Variants in MED13 observed in about 807,000 individuals in gnomAD.
MED13 encodes the protein mediator of RNA polymerase II transcription subunit 13.
In MED13, 23 loss-of-function variants were observed where a neutral mutation model predicts 225.2. The ratio of observed to expected loss-of-function variants is 0.10; its 90% CI spans 0.07 to 0.14. The LOEUF is 0.14. Among genes scored for constraint, MED13 ranks in the 10% least tolerant of loss-of-function variants. The probability of loss-of-function intolerance (pLI) is 1.00; values close to 1 mark genes in which losing one functional copy is unlikely to be tolerated. For missense variants in MED13, 2,197 were observed against 2,594.5 expected (o/e 0.85, Z 3.33); for synonymous variants, 942 against 889.2 (o/e 1.06, Z -1.06).
In MED13 at chr17:61,944,093, AT is replaced by A. The variant is rs1177104584; in HGVS notation, c.*2374del. ...TGGATATATGAAGGGAAGAAAAAAA[AT>A]CTTATCAATAAATCCTGTATATTTG... On this transcript the variant is annotated 3_prime_UTR_variant, in exon 30 of 30. Coordinates refer to ENST00000397786, the MANE Select transcript of MED13 (RefSeq NM_005121.3). The A allele has an allele frequency of 6.6e-6, 1 of 152,590 alleles. No homozygotes were observed. Among genetic ancestry groups the A allele is most frequent in the East Asian group, 1.9e-4 (1 of 5,196 alleles). 9.5% of individuals were successfully genotyped at this position (152,590 alleles called of 1,614,324 possible).
At chr17:62,048,511 C>G (rs182437354) in intron 3 of MED13, among the ~76,000 whole-genome samples, 12 of 151,696 alleles carry the variant, frequency 7.9e-5, no homozygotes, top group Admixed American at 5.9e-4. Flanking sequence ...CTTAAGAGGT[C>G]CACTCTTTGA....
intron 23 of MED13, 140 bp from the exon 24 acceptor site, chr17:61,956,621 C>G (rs1264289691): frequency 2.8e-6 from 2 of 725,498 alleles, no homozygotes; most frequent in Non-Finnish European, 2.2e-6. Context: ...TCACTGCAAC[C>G]TCCACCTTCA....
Position 61,962,987 on chromosome 17 carries a change from G to C in MED13, c.4845-16C>G, listed in dbSNP as rs1314567612. 2 of 1,611,492 alleles carry C rather than the reference G, an allele frequency of 1.2e-6. No homozygotes were observed. The highest frequency in any genetic ancestry group is 1.7e-6 in the Non-Finnish European group (2 of 1,178,048). On this transcript the variant is annotated splice_polypyrimidine_tract_variant and intron_variant, in intron 20 of 29. Transcript: ENST00000397786. ...ATCCATCGTGCTAAAATTTAAGGTAGAAATGAGACAAAAAGTTGTACTGTA... is the reference window on the plus strand; with the variant it reads ...ATCCATCGTGCTAAAATTTAAGGTACAAATGAGACAAAAAGTTGTACTGTA...
At chr17:62,015,127 T>C (rs887153012) in intron 8 of MED13, among the ~76,000 whole-genome samples, 4 of 152,200 alleles carry the variant, frequency 2.6e-5, no homozygotes, top group Non-Finnish European at 5.9e-5. Context: ...AAATGTTTAC[T>C]CCTTGTTTGA....
At chr17:61,976,195 T>C (rs1162376513) in intron 16 of MED13, among the ~76,000 whole-genome samples, 1 of 152,136 alleles carries the variant, frequency 6.6e-6, no homozygotes, top group Non-Finnish European at 1.5e-5. Context: ...ATAAATAAAA[T>C]ACGGTATCTT....
In MED13 at chr17:61,982,806, G is replaced by C. The variant is rs1179590671; in HGVS notation, c.3197C>G (p.Pro1066Arg). 6.2e-7 allele frequency: 1 copy of C among 1,614,172 alleles called. No individual in the cohort carries two copies. The highest frequency in any genetic ancestry group is 8.5e-7 in the Non-Finnish European group (1 of 1,180,042). ...GTTTACATAAAGACTGTGTGCTTCA[G>C]GGATGGAAGGGACAGTTGCAGGTTC... ...SVEPATVPSIPEAHSLYVNLI... is the reference protein window; with the variant it reads ...SVEPATVPSIREAHSLYVNLI... The change falls in exon 16 of 30, where the codon CCT becomes CGT. Residue 1066 changes from proline (P) to arginine (R), a missense_variant. Pro to Arg is a moderately radical substitution (Grantham distance 103). Around this residue, in one of 12 missense-constraint regions of MED13, gnomAD observed 99 missense variants for 158.5 expected, o/e 0.62. Coordinates refer to ENST00000397786, the MANE Select transcript of MED13 (RefSeq NM_005121.3).
intron 12 of MED13, among the ~76,000 whole-genome samples, chr17:61,986,210 C>G (rs940026820): frequency 1.3e-5 from 2 of 151,986 alleles, no homozygotes; most frequent in Non-Finnish European, 2.9e-5. Context: ...ATGGGATACA[C>G]AGTAAAAGTT....
intron 20 of MED13, among the ~76,000 whole-genome samples, chr17:61,963,202 C>CAAAAAAAAAAAAAAAAAAAAAAAAA (rs11290002): frequency 3.6e-5 from 2 of 55,770 alleles, no homozygotes; most frequent in Non-Finnish European, 6.1e-5. Flanking sequence ...TTAAATTTAC[C>CAAAAAAAAAAAAAAAAAAAAAAAAA]AAAAAAAAAA....
rs73334646 is a variant in MED13 at position 61,944,587 on chromosome 17, G to T, written c.*1881C>A. 6.6e-6 allele frequency: 1 copy of T among 151,806 alleles called. No individual in the cohort carries two copies. Among genetic ancestry groups the T allele is most frequent in the Non-Finnish European group, 1.5e-5 (1 of 67,984 alleles). The allele number at this position is 151,806 out of a possible 1,614,324, so 9.4% of individuals were successfully genotyped here. A position where few individuals can be genotyped will look rare whatever the true frequency, so the allele number is the denominator to read the frequency against. ...CATAGAAAAAACAAGACTTGCTAAT[G>T]TTTTCATATACACAATCTGAAGAAG... On this transcript the variant is annotated 3_prime_UTR_variant, in exon 30 of 30. Transcript: ENST00000397786.
At chr17:61,990,627 G>GTATATATATATATATA (rs5821345) in intron 11 of MED13, among the ~76,000 whole-genome samples, 11 of 139,006 alleles carry the variant, frequency 7.9e-5, no homozygotes, top group African/African-American at 2.7e-4. Flanking sequence ...GGCGCACTGT[G>GTATATATATATATATA]TATATATATA....
intron 3 of MED13, among the ~76,000 whole-genome samples, chr17:62,038,778 C>T (rs1010193848): frequency 6.6e-6 from 1 of 152,094 alleles, no homozygotes; most frequent in Non-Finnish European, 1.5e-5. Flanking sequence ...ATCCTCCCAT[C>T]TCACCCTCTT....
intron 3 of MED13, among the ~76,000 whole-genome samples, chr17:62,044,755 C>T (rs902615168): frequency 1.4e-4 from 22 of 152,154 alleles, no homozygotes; most frequent in Admixed American, 3.3e-4. Flanking sequence ...CTCCACCTCC[C>T]GGGTTAAGTG....
At chr17:62,034,060 C>A in intron 4 of MED13, 76 bp from the exon 5 acceptor site, 1 of 1,269,886 alleles carries the variant, frequency 7.9e-7, no homozygotes, top group South Asian at 1.3e-5. Flanking sequence ...AAAAATGTGG[C>A]AAATAATCGT....
At chr17:61,950,229 C>A (rs2079885023) in intron 28 of MED13, among the ~76,000 whole-genome samples, 2 of 152,000 alleles carry the variant, frequency 1.3e-5, no homozygotes, top group South Asian at 4.2e-4. Context: ...GCAGTTGAAA[C>A]AGATTGAGCA....
chr17:62,044,379 C>T (rs978078256), intron 3 of MED13, among the ~76,000 whole-genome samples: 1 of 152,140 alleles, frequency 6.6e-6, no homozygotes, highest in Non-Finnish European at 1.5e-5. Flanking sequence ...CTGCCCAATA[C>T]AATGGCCATT....
chr17:61,976,737 A>T (rs2080159710), intron 16 of MED13, among the ~76,000 whole-genome samples: 1 of 152,162 alleles, frequency 6.6e-6, no homozygotes, highest in African/African-American at 2.4e-5. Flanking sequence ...GATCGAGACC[A>T]TTCTGGCTAA....
chr17:61,954,989 T>G (rs1285668380), intron 26 of MED13, among the ~76,000 whole-genome samples: 1 of 152,204 alleles, frequency 6.6e-6, no homozygotes, highest in Admixed American at 6.5e-5. Flanking sequence ...AATCAGGATG[T>G]TGGCAAGGCT....
intron 16 of MED13, among the ~76,000 whole-genome samples, chr17:61,974,618 C>T (rs999583648): frequency 6.6e-6 from 1 of 151,742 alleles, no homozygotes; most frequent in Non-Finnish European, 1.5e-5. Flanking sequence ...AACTGAAAAT[C>T]CAGAAATCAA....
chr17:61,948,812 C>T (rs942076513), intron 28 of MED13, among the ~76,000 whole-genome samples: 16 of 151,110 alleles, frequency 1.1e-4, no homozygotes, highest in Non-Finnish European at 2.2e-4. Context: ...CACGGCCGGG[C>T]GCGGTGGCTC....
Sources: gnomAD v4.1 joint callset for allele counts (sites outside exome capture counted in the v4.1 genomes callset) on GRCh38, gnomAD v4.1.1 for gene constraint, gnomAD v4.1.1 regional missense constraint, MANE v1.5 for transcripts, NCBI Gene and HGNC (gene_info 2026-07-23, HGNC 2026-07-21) for gene names.